CALCR: variants seen among roughly 807,000 people sequenced by gnomAD.
The protein encoded by CALCR is calcitonin receptor.
CALCR carries 47 observed loss-of-function variants against 59.5 expected under a neutral mutation model. The observed-to-expected ratio is 0.79, with a 90% CI of 0.63 to 1.01. The LOEUF (loss-of-function observed/expected upper bound fraction) is 1.01. Ranked by LOEUF, CALCR falls within the 50% of genes least tolerant of loss-of-function variation. The probability of loss-of-function intolerance (pLI) is 0.00; values close to 1 mark genes in which losing one functional copy is unlikely to be tolerated. For synonymous variants in CALCR, 213 were observed against 211.3 expected, an observed-to-expected ratio of 1.01 and a Z score of -0.07; for missense variants, 566 against 597.1, an observed-to-expected ratio of 0.95 and a Z score of 0.54.
intron 5 of CALCR, among the ~76,000 whole-genome samples, chr7:93,473,204 AAAGATC>A (rs1374727468): frequency 6.6e-6 from 1 of 151,812 alleles, no homozygotes; most frequent in East Asian, 1.9e-4. Context: ...TTGGCATATT[AAAGATC>A]TCCACCTTCG....
intron 2 of CALCR, among the ~76,000 whole-genome samples, chr7:93,534,213 C>T (rs1349300697): frequency 6.6e-6 from 1 of 151,630 alleles, no homozygotes. Flanking sequence ...TTTACAATAG[C>T]CCTAAGAAGT....
chr7:93,515,309 C>G (rs1293764881), intron 2 of CALCR, among the ~76,000 whole-genome samples: 1 of 151,726 alleles, frequency 6.6e-6, no homozygotes, highest in Non-Finnish European at 1.5e-5. Flanking sequence ...AAGTTATTAC[C>G]CTATGGGAGA....
intron 3 of CALCR, chr7:93,482,709 G>T (rs1800825021): frequency 3.9e-6 from 2 of 506,866 alleles, no homozygotes; most frequent in Non-Finnish European, 8.1e-6. Flanking sequence ...AGTAACAGTG[G>T]AAATACGACA....
At chr7:93,539,654 T>C (rs931151785) in intron 2 of CALCR, among the ~76,000 whole-genome samples, 1 of 152,106 alleles carries the variant, frequency 6.6e-6, no homozygotes, top group Non-Finnish European at 1.5e-5. Flanking sequence ...TGTGTGTTCT[T>C]GTGCAAGTTA....
chr7:93,518,927 T>A (rs933592919), intron 2 of CALCR, among the ~76,000 whole-genome samples: 1 of 151,964 alleles, frequency 6.6e-6, no homozygotes, highest in East Asian at 1.9e-4. Flanking sequence ...TGGTTTCCTC[T>A]GAGGAGATGA....
At chr7:93,479,059 G>A (rs1584568580) in intron 4 of CALCR, among the ~76,000 whole-genome samples, 1 of 151,756 alleles carries the variant, frequency 6.6e-6, no homozygotes, top group African/African-American at 2.4e-5. Context: ...CTGTCATTTT[G>A]TACATCCCCT....
At chr7:93,530,648 G>A (rs1338141801) in intron 2 of CALCR, among the ~76,000 whole-genome samples, 3 of 152,020 alleles carry the variant, frequency 2.0e-5, no homozygotes, top group Non-Finnish European at 4.4e-5. Flanking sequence ...CTTTGACTGA[G>A]GAGAGCAGCA....
chr7:93,510,585 G>A (rs374228872), intron 2 of CALCR, among the ~76,000 whole-genome samples: 102 of 152,286 alleles, frequency 6.7e-4, no homozygotes, highest in Middle Eastern at 3.4e-3. Context: ...TCTCTAAAGA[G>A]GGTGGGGTAA....
chr7:93,432,941 C>T (rs915643045), intron 13 of CALCR, among the ~76,000 whole-genome samples: 1 of 152,114 alleles, frequency 6.6e-6, no homozygotes, highest in Non-Finnish European at 1.5e-5. Context: ...ACTCTAACAG[C>T]GGGCAATGGA....
intron 3 of CALCR, among the ~76,000 whole-genome samples, chr7:93,479,845 A>G (rs1257585053): frequency 6.6e-6 from 1 of 151,902 alleles, no homozygotes; most frequent in Non-Finnish European, 1.5e-5. Flanking sequence ...TCTAATTTCC[A>G]AAAAATACAA....
intron 13 of CALCR, among the ~76,000 whole-genome samples, chr7:93,431,225 A>C (rs892890711): frequency 9.2e-5 from 14 of 152,180 alleles, no homozygotes; most frequent in Admixed American, 9.2e-4. Context: ...AATCAAGCAA[A>C]AGATCATTTG....
chr7:93,490,158 C>A (rs1463722163), intron 2 of CALCR, among the ~76,000 whole-genome samples: 5 of 151,882 alleles, frequency 3.3e-5, no homozygotes, highest in Non-Finnish European at 7.4e-5. Context: ...AGACAAAAAC[C>A]ACATGATTAT....
intron 2 of CALCR, among the ~76,000 whole-genome samples, chr7:93,550,580 G>GCA (rs1252413975): frequency 8.3e-6 from 1 of 120,706 alleles, no homozygotes; most frequent in Non-Finnish European, 1.7e-5. Context: ...TTATAACCAA[G>GCA]CATTTCCATT....
chr7:93,537,417 G>A (rs1789019265), intron 2 of CALCR, among the ~76,000 whole-genome samples: 1 of 151,762 alleles, frequency 6.6e-6, no homozygotes, highest in African/African-American at 2.4e-5. Context: ...GCTGAAATGG[G>A]AACTGAACTG....
chr7:93,524,743 T>C (rs1334867021), intron 2 of CALCR, among the ~76,000 whole-genome samples: 3 of 152,306 alleles, frequency 2.0e-5, no homozygotes, highest in Admixed American at 6.5e-5. Context: ...TATAAATATC[T>C]GTATCTATAA....
chr7:93,538,496 C>G (rs1376701641), intron 2 of CALCR, among the ~76,000 whole-genome samples: 1 of 152,070 alleles, frequency 6.6e-6, no homozygotes, highest in Non-Finnish European at 1.5e-5. Context: ...GATCTTCCCT[C>G]AGGTTGGGGC....
intron 2 of CALCR, chr7:93,495,963 G>A: frequency 2.0e-6 from 3 of 1,507,908 alleles, no homozygotes; most frequent in Non-Finnish European, 2.7e-6. Flanking sequence ...GGATCAGTGG[G>A]AATCATTTAT....
Position 93,426,336 on chromosome 7 carries a change from A to C in CALCR, c.*20T>G, listed in dbSNP as rs1799524612. 7.4e-7 allele frequency: 1 copy of C among 1,346,812 alleles called. No individual in the cohort carries two copies. Among genetic ancestry groups the C allele is most frequent in the East Asian group, 2.3e-5 (1 of 43,326 alleles). The allele number at this position is 1,346,812 out of a possible 1,614,324, so 83.4% of individuals were successfully genotyped here. A position where few individuals can be genotyped will look rare whatever the true frequency, so the allele number is the denominator to read the frequency against. On this transcript the variant is annotated 3_prime_UTR_variant, in exon 14 of 14. Coordinates refer to ENST00000426151, the MANE Select transcript of CALCR (RefSeq NM_001742.4). ...AGGAAATGATGGCTCAGTGATCACG[A>C]TGCTGTGTTTGCTTCACATTCAAGC...
intron 2 of CALCR, among the ~76,000 whole-genome samples, chr7:93,503,596 G>GA (rs1295197136): frequency 1.3e-5 from 2 of 151,466 alleles, no homozygotes; most frequent in Admixed American, 6.6e-5. Context: ...AATTGCTTTT[G>GA]AAAAAAAAGA....
Sources: allele counts gnomAD v4.1 joint callset (sites outside exome capture counted in the v4.1 genomes callset), GRCh38; gene constraint gnomAD v4.1.1; transcripts MANE v1.5; gene names NCBI Gene and HGNC (gene_info 2026-07-23, HGNC 2026-07-21).